Variants in ZZZ3 observed in about 807,000 individuals in gnomAD.
ZZZ3 encodes the protein zinc finger ZZ-type containing 3, also known as ZZ-type zinc finger-containing protein 3.
In ZZZ3, 22 loss-of-function variants were observed where a neutral mutation model predicts 95.2. That is an observed-to-expected ratio of 0.23 (90% CI 0.17 to 0.33). The LOEUF (loss-of-function observed/expected upper bound fraction) is 0.33. Ranked by LOEUF, ZZZ3 falls within the 10% of genes least tolerant of loss-of-function variation. The pLI is 1.00. For missense variants in ZZZ3, 885 were observed against 1,066.5 expected (o/e 0.83, Z 2.37); for synonymous variants, 335 against 358.9 (o/e 0.93, Z 0.75).
At chr1:77,648,928 T>G (rs1026235705) in intron 1 of ZZZ3, among the ~76,000 whole-genome samples, 1 of 151,942 alleles carries the variant, frequency 6.6e-6, no homozygotes, top group Non-Finnish European at 1.5e-5. Flanking sequence ...GTCAGGAGAT[T>G]GGGTGGGGTT....
intron 12 of ZZZ3, among the ~76,000 whole-genome samples, chr1:77,571,114 C>T (rs1272651539): frequency 1.3e-5 from 2 of 151,694 alleles, no homozygotes; most frequent in African/African-American, 2.4e-5. Flanking sequence ...TAGTAAGACA[C>T]GTCTTAATGA....
chr1:77,671,837 C>A (rs1455737421), intron 1 of ZZZ3, among the ~76,000 whole-genome samples: 1 of 152,150 alleles, frequency 6.6e-6, no homozygotes, highest in African/African-American at 2.4e-5. Context: ...CCCACATCCA[C>A]AAGCGATACA....
At position 77,681,768 on chromosome 1, in the gene ZZZ3, T is replaced by A. The variant is rs1412841712; in HGVS notation, c.-403+817A>T. The stretch of plus-strand genomic sequence containing the variant: ...TTAGCCGGGCGTGGTGAAGCGCGAC[T>A]GTAATCCCAGCTACTCGATACTCGA... On this transcript the variant is annotated intron_variant, in intron 1 of 14. Coordinates refer to ENST00000370801, the MANE Select transcript of ZZZ3 (RefSeq NM_015534.6). 2.0e-5 allele frequency among the ~76,000 whole-genome samples: 3 copies of A among 151,946 alleles called. No homozygotes were observed. The East Asian group carries it at 5.8e-4, about 29-fold the overall frequency.
chr1:77,567,747 A>G (rs1337596335), intron 13 of ZZZ3, among the ~76,000 whole-genome samples: 3 of 152,210 alleles, frequency 2.0e-5, no homozygotes, highest in Non-Finnish European at 4.4e-5. Context: ...TGTGTATTAC[A>G]AAATTCTGCA....
chr1:77,579,499 A>C lies in ZZZ3; in HGVS notation c.2082+28T>G, dbSNP rs570097470. On this transcript the variant is annotated intron_variant, in intron 10 of 14. Transcript: ENST00000370801. ...ATTAAAAAACTACCAAAAGCATACC[A>C]GCAATCTGCAGTCATCTCCTCAATT... The C allele has an allele frequency of 6.0e-6, 9 of 1,507,138 alleles. No individual in the cohort carries two copies. In the African/African-American group the frequency reaches 9.8e-5, roughly 16 times the overall value. 93.4% of individuals were successfully genotyped at this position (1,507,138 alleles called of 1,614,324 possible).
chr1:77,675,622 T>G (rs1672189863), intron 1 of ZZZ3, among the ~76,000 whole-genome samples: 1 of 152,266 alleles, frequency 6.6e-6, no homozygotes, highest in South Asian at 2.1e-4. Flanking sequence ...CAAATATTTA[T>G]TATTTTTTCA....
At chr1:77,609,842 G>T (rs369787565) in intron 5 of ZZZ3, among the ~76,000 whole-genome samples, 2 of 151,838 alleles carry the variant, frequency 1.3e-5, no homozygotes, top group South Asian at 2.1e-4. Flanking sequence ...TGAAACAAAT[G>T]ATAATGAAAA....
At chr1:77,627,928 T>C (rs1328507262) in intron 5 of ZZZ3, among the ~76,000 whole-genome samples, 1 of 152,360 alleles carries the variant, frequency 6.6e-6, no homozygotes, top group Non-Finnish European at 1.5e-5. Context: ...ATTTAAGTAA[T>C]GTTGCACAAT....
chr1:77,638,114 G>A (rs571562667), intron 4 of ZZZ3, among the ~76,000 whole-genome samples: 30 of 152,288 alleles, frequency 2.0e-4, no homozygotes, highest in Non-Finnish European at 2.8e-4. Context: ...AAAAAAGAGT[G>A]TGGTCAGTAA....
chr1:77,631,522 T>C (rs1475116707), intron 5 of ZZZ3, among the ~76,000 whole-genome samples: 1 of 152,202 alleles, frequency 6.6e-6, no homozygotes, highest in Admixed American at 6.5e-5. Context: ...CAAAGCATAC[T>C]GTGGTAACTC....
chr1:77,632,735 T>C lies in ZZZ3; in HGVS notation c.620A>G (p.Asp207Gly). 1 of 1,614,224 alleles carries C rather than the reference T, an allele frequency of 6.2e-7. No homozygotes were observed. Among genetic ancestry groups the C allele is most frequent in the African/African-American group, 1.3e-5 (1 of 75,066 alleles). The change falls in exon 5 of 15, where the codon GAC (aspartate) becomes GGC (glycine). Residue 207 changes from aspartate (D) to glycine (G), a missense_variant. This residue lies in a region of ZZZ3 where 556 missense variants were observed against 652.9 expected (regional missense o/e 0.85). Coordinates refer to ENST00000370801, the MANE Select transcript of ZZZ3 (RefSeq NM_015534.6). ...TGYLAVNGVD[D>G]SDSAVINCDD... ...ACAGTTTATAACAGCTGAATCACTG[T>C]CATCAACACCATTGACAGCCAAATA...
At chr1:77,590,211 T>C (rs188798139) in intron 5 of ZZZ3, among the ~76,000 whole-genome samples, 154 of 152,236 alleles carry the variant, frequency 1.0e-3, no homozygotes, top group Middle Eastern at 6.8e-3. Context: ...CTGTCTCTAC[T>C]AAAAATACAA....
At chr1:77,667,595 TC>T (rs1315019731) in intron 1 of ZZZ3, among the ~76,000 whole-genome samples, 1 of 152,110 alleles carries the variant, frequency 6.6e-6, no homozygotes, top group Non-Finnish European at 1.5e-5. Context: ...CTTCTTTTTT[TC>T]CTCCCCATTT....
chr1:77,611,188 C>T (rs1053257481), intron 5 of ZZZ3, among the ~76,000 whole-genome samples: 30 of 120,834 alleles, frequency 2.5e-4, no homozygotes, highest in African/African-American at 8.8e-4. Flanking sequence ...AATGAATTAT[C>T]CAAAAAAGAA....
chr1:77,666,488 G>A (rs1360198962), intron 1 of ZZZ3, among the ~76,000 whole-genome samples: 10 of 152,096 alleles, frequency 6.6e-5, no homozygotes, highest in Admixed American at 2.6e-4. Flanking sequence ...AGCCAAGATC[G>A]TGCCACTGCA....
At position 77,641,615 on chromosome 1, in the gene ZZZ3, G is replaced by C; in HGVS notation, c.-362C>G. 1 of 398,106 alleles carries C rather than the reference G, an allele frequency of 2.5e-6. No individual in the cohort carries two copies. The highest frequency in any genetic ancestry group is 3.6e-5 in the East Asian group (1 of 27,984). 24.7% of individuals were successfully genotyped at this position (398,106 alleles called of 1,614,324 possible). On this transcript the variant is annotated 5_prime_UTR_variant, in exon 2 of 15. Coordinates refer to ENST00000370801, the MANE Select transcript of ZZZ3 (RefSeq NM_015534.6). ...TGTCCATGTTACACTGAGACTTCAGGTATTATTTATTTATATGGTTGTACT... is the reference window on the plus strand; with the variant it reads ...TGTCCATGTTACACTGAGACTTCAGCTATTATTTATTTATATGGTTGTACT...
chr1:77,677,383 CTATT>C (rs1672362450), intron 1 of ZZZ3: 1 of 152,150 alleles, frequency 6.6e-6, no homozygotes, highest in South Asian at 2.1e-4. Flanking sequence ...ATGTTAAAAT[CTATT>C]TATCTTCAAA....
intron 5 of ZZZ3, among the ~76,000 whole-genome samples, chr1:77,609,459 C>T (rs771113289): frequency 6.6e-6 from 1 of 152,170 alleles, no homozygotes; most frequent in Non-Finnish European, 1.5e-5. Flanking sequence ...CAACACCCCA[C>T]TTTCAGCATT....
chr1:77,645,886 G>A (rs188417068), intron 1 of ZZZ3, among the ~76,000 whole-genome samples: 258 of 151,146 alleles, frequency 1.7e-3, no homozygotes, highest in Non-Finnish European at 3.2e-3. Flanking sequence ...CAGAAGAATT[G>A]CTTGAACCTG....
Sources: allele counts gnomAD v4.1 joint callset (sites outside exome capture counted in the v4.1 genomes callset), GRCh38; gene constraint gnomAD v4.1.1; regional missense constraint gnomAD v4.1.1; transcripts MANE v1.5; gene names NCBI Gene and HGNC (gene_info 2026-07-23, HGNC 2026-07-21).